The following CACNA2D1 variants were observed in gnomAD, a reference collection of about 807,000 sequenced individuals.
The protein encoded by CACNA2D1 is calcium voltage-gated channel auxiliary subunit alpha2delta 1.
Under a neutral mutation model 171.5 loss-of-function variants are expected in CACNA2D1, and 53 were observed. The ratio of observed to expected loss-of-function variants is 0.31; its 90% CI spans 0.25 to 0.39. The LOEUF (loss-of-function observed/expected upper bound fraction) is 0.39, where lower values mean the gene tolerates loss of function less well. Ranked by LOEUF, CACNA2D1 falls within the 10% of genes least tolerant of loss-of-function variation. The pLI, the probability that CACNA2D1 is intolerant of heterozygous loss-of-function variation, is 1.00. For missense variants in CACNA2D1, 903 were observed against 1,299.8 expected (o/e 0.69, Z 4.69); for synonymous variants, 442 against 443.1 (o/e 1.00, Z 0.03).
chr7:82,062,729 C>CTTTT lies in CACNA2D1; in HGVS notation c.779+1571_779+1574dup, dbSNP rs71520797. Among the ~76,000 whole-genome samples, 20 of 52,190 alleles carry CTTTT rather than the reference C, an allele frequency of 3.8e-4. 4 individuals are homozygous for CTTTT. Among genetic ancestry groups the CTTTT allele is most frequent in the Admixed American group, 5.2e-4 (2 of 3,814 alleles). The allele number at this position is 52,190 out of a possible 152,430, so 34.2% of individuals were successfully genotyped here. On this transcript the variant is annotated intron_variant, in intron 9 of 38. Coordinates refer to ENST00000356860, the MANE Select transcript of CACNA2D1 (RefSeq NM_000722.4). The stretch of plus-strand genomic sequence containing the variant: ...TTGTCATTTACATTAGGTATATCTC[C>CTTTT]TTTTTTTTTTTTTTTTTTTTTTTTT...
intron 6 of CACNA2D1, among the ~76,000 whole-genome samples, chr7:82,114,180 G>A (rs1159392163): frequency 6.6e-6 from 1 of 152,056 alleles, no homozygotes; most frequent in Non-Finnish European, 1.5e-5. Context: ...GTATGCCTAT[G>A]TAAACATTTT....
Position 82,117,316 on chromosome 7 carries a change from G to A in CACNA2D1, c.397-143C>T, listed in dbSNP as rs577124622. On this transcript the variant is annotated intron_variant, in intron 5 of 38. Coordinates refer to ENST00000356860, the MANE Select transcript of CACNA2D1 (RefSeq NM_000722.4). ...TAAAATATAGTACCTTGATAGCATTGGATACACAAATTTCCATTCAGGTAT... is the reference window on the plus strand; with the variant it reads ...TAAAATATAGTACCTTGATAGCATTAGATACACAAATTTCCATTCAGGTAT... 1.9e-5 allele frequency: 15 copies of A among 786,740 alleles called. No homozygotes were observed. The East Asian group carries it at 2.9e-4, about 15-fold the overall frequency. The allele number at this position is 786,740 out of a possible 1,614,324, so 48.7% of individuals were successfully genotyped here. A position where few individuals can be genotyped will look rare whatever the true frequency, so the allele number is the denominator to read the frequency against.
At chr7:82,082,267 G>T (rs1300673491) in intron 7 of CACNA2D1, among the ~76,000 whole-genome samples, 1 of 152,044 alleles carries the variant, frequency 6.6e-6, no homozygotes. Flanking sequence ...ATGGGTTCTT[G>T]TCACACTTCC....
intron 1 of CACNA2D1, among the ~76,000 whole-genome samples, chr7:82,425,059 T>C (rs1379461270): frequency 1.5e-4 from 23 of 152,168 alleles, no homozygotes; most frequent in Admixed American, 1.5e-3. Flanking sequence ...CTCCCTTAAT[T>C]ATGTGACGTT....
chr7:82,237,936 C>T (rs940083733), intron 3 of CACNA2D1, among the ~76,000 whole-genome samples: 6 of 151,920 alleles, frequency 3.9e-5, no homozygotes, highest in African/African-American at 1.4e-4. Context: ...ATGACATAAA[C>T]ATTACTACTC....
chr7:82,303,446 T>C (rs1469962720), intron 3 of CACNA2D1, among the ~76,000 whole-genome samples: 5 of 144,068 alleles, frequency 3.5e-5, no homozygotes, highest in Admixed American at 2.8e-4. Flanking sequence ...AAACTGTGTA[T>C]GTAACTAAAA....
chr7:82,416,553 G>A (rs1339413794), intron 1 of CACNA2D1, among the ~76,000 whole-genome samples: 1 of 152,060 alleles, frequency 6.6e-6, no homozygotes, highest in African/African-American at 2.4e-5. Context: ...CTCTCCCCTT[G>A]CTACTAGTAA....
At chr7:82,187,092 C>T (rs1319802793) in intron 3 of CACNA2D1, among the ~76,000 whole-genome samples, 2 of 152,050 alleles carry the variant, frequency 1.3e-5, no homozygotes, top group Non-Finnish European at 2.9e-5. Flanking sequence ...TGTATCTAAA[C>T]CTCACAAATA....
chr7:82,248,627 T>G (rs1387987971), intron 3 of CACNA2D1, among the ~76,000 whole-genome samples: 3 of 152,134 alleles, frequency 2.0e-5, no homozygotes, highest in Non-Finnish European at 2.9e-5. Context: ...TATTGCCAAT[T>G]GAAGAATAAT....
rs539880436 is a variant in CACNA2D1 at position 82,355,506 on chromosome 7, A to G, written c.96-5857T>C. Among the ~76,000 whole-genome samples, 7 of 152,258 alleles carry G rather than the reference A, an allele frequency of 4.6e-5. No homozygotes were observed. The East Asian group carries it at 7.7e-4, about 17-fold the overall frequency. ...GATAGCTAGTCAGAAGAGTAAGAACAATGGATGGTACTTGTGAAAGAAAAC... is the reference window on the plus strand; with the variant it reads ...GATAGCTAGTCAGAAGAGTAAGAACGATGGATGGTACTTGTGAAAGAAAAC... On this transcript the variant is annotated intron_variant, in intron 1 of 38. Transcript: ENST00000356860.
intron 3 of CACNA2D1, among the ~76,000 whole-genome samples, chr7:82,198,769 A>C (rs903750074): frequency 4.0e-5 from 6 of 151,604 alleles, no homozygotes; most frequent in African/African-American, 1.5e-4. Flanking sequence ...TTAATCCTCT[A>C]CTCTATTAAT....
At chr7:82,021,603 C>T (rs1801221306) in intron 12 of CACNA2D1, among the ~76,000 whole-genome samples, 1 of 151,946 alleles carries the variant, frequency 6.6e-6, no homozygotes, top group Non-Finnish European at 1.5e-5. Context: ...AAGTACTGTG[C>T]CATCCTTTAA....
intron 3 of CACNA2D1, among the ~76,000 whole-genome samples, chr7:82,233,953 A>T (rs754937203): frequency 3.3e-5 from 5 of 152,116 alleles, no homozygotes; most frequent in Non-Finnish European, 7.4e-5. Flanking sequence ...CAAACTCAAC[A>T]TCTTTTTGAT....
chr7:82,364,071 G>A (rs150126900), intron 1 of CACNA2D1, among the ~76,000 whole-genome samples: 16 of 151,860 alleles, frequency 1.1e-4, no homozygotes, highest in South Asian at 8.3e-4. Flanking sequence ...CTGTCTCTAC[G>A]AAGAAAAAAA....
intron 21 of CACNA2D1, among the ~76,000 whole-genome samples, chr7:81,989,070 G>A (rs529230159): frequency 1.1e-3 from 173 of 152,238 alleles, no homozygotes; most frequent in African/African-American, 4.1e-3. Context: ...ATGAGGGAAT[G>A]AGCATGTGAC....
At chr7:81,996,210 A>G (rs1300393096) in intron 19 of CACNA2D1, among the ~76,000 whole-genome samples, 1 of 151,792 alleles carries the variant, frequency 6.6e-6, no homozygotes, top group East Asian at 1.9e-4. Flanking sequence ...AGAATCTAAG[A>G]TCATTTTGGT....
At chr7:82,099,016 T>C (rs972463692) in intron 6 of CACNA2D1, among the ~76,000 whole-genome samples, 7 of 152,190 alleles carry the variant, frequency 4.6e-5, no homozygotes, top group Non-Finnish European at 1.0e-4. Flanking sequence ...GATGTAAACA[T>C]TGATGTTATA....
chr7:82,319,267 C>G (rs1392774543), intron 3 of CACNA2D1, among the ~76,000 whole-genome samples: 2 of 152,118 alleles, frequency 1.3e-5, no homozygotes, highest in Non-Finnish European at 2.9e-5. Flanking sequence ...CATAATTACT[C>G]TCTACTGAGA....
At chr7:82,141,937 C>T (rs1250548111) in intron 4 of CACNA2D1, among the ~76,000 whole-genome samples, 1 of 152,100 alleles carries the variant, frequency 6.6e-6, no homozygotes, top group Non-Finnish European at 1.5e-5. Context: ...AAACTAATTA[C>T]CATGGGAACA....
Sources: gnomAD v4.1 joint callset for allele counts (sites outside exome capture counted in the v4.1 genomes callset) on GRCh38, gnomAD v4.1.1 for gene constraint, MANE v1.5 for transcripts, NCBI Gene and HGNC (gene_info 2026-07-23, HGNC 2026-07-21) for gene names.